Variants in STARD13 observed in about 807,000 individuals in gnomAD.
STARD13 encodes stAR-related lipid transfer protein 13.
STARD13 carries 62 observed loss-of-function variants against 106.4 expected under a neutral mutation model. The observed-to-expected ratio is 0.58, with a 90% CI of 0.48 to 0.72. The LOEUF (loss-of-function observed/expected upper bound fraction) is 0.72, where lower values mean the gene tolerates loss of function less well. Ranked by LOEUF, STARD13 falls within the 30% of genes least tolerant of loss-of-function variation. STARD13 has a pLI of 0.00. For synonymous variants in STARD13, 565 were observed against 553.0 expected (o/e 1.02, Z -0.31); for missense variants, 1,387 against 1,424.0 (o/e 0.97, Z 0.42).
chr13:33,139,333 G>A (rs949875426), intron 4 of STARD13, among the ~76,000 whole-genome samples: 15 of 152,228 alleles, frequency 9.9e-5, no homozygotes, highest in African/African-American at 3.1e-4. Flanking sequence ...CAAGTGCCAA[G>A]CCCTTCAATT....
At chr13:33,343,253 A>T (rs998549293) in intron 1 of STARD13, among the ~76,000 whole-genome samples, 21 of 151,710 alleles carry the variant, frequency 1.4e-4, no homozygotes, top group African/African-American at 4.8e-4. Flanking sequence ...GTATAATAAT[A>T]GTAAAATTAA....
intron 1 of STARD13, among the ~76,000 whole-genome samples, chr13:33,270,069 G>A (rs185152355): frequency 8.3e-4 from 126 of 151,964 alleles, no homozygotes; most frequent in African/African-American, 2.7e-3. Context: ...AAACCCGTCT[G>A]TACTAAAAAT....
chr13:33,652,005 A>G, the STARD13 span, among the ~76,000 whole-genome samples: 11 of 152,244 alleles, frequency 7.2e-5, no homozygotes, highest in East Asian at 1.9e-4. Context: ...GCAGAAGAAC[A>G]GTGTCATGTT....
At chr13:33,113,300 C>T (rs1874887331) in intron 8 of STARD13, 2 of 373,138 alleles carry the variant, frequency 5.4e-6, no homozygotes, top group African/African-American at 2.1e-5. Context: ...CCTGGCATCC[C>T]TCTTGCCCAT....
the STARD13 span, among the ~76,000 whole-genome samples, chr13:33,583,243 A>C: frequency 6.6e-6 from 1 of 152,210 alleles, no homozygotes; most frequent in South Asian, 2.1e-4. Context: ...TCACAGGTTT[A>C]TCATAATCCA....
At chr13:33,667,493 G>A in the STARD13 span, among the ~76,000 whole-genome samples, 1 of 152,126 alleles carries the variant, frequency 6.6e-6, no homozygotes, top group Non-Finnish European at 1.5e-5. Context: ...TGCACATGTA[G>A]GCAATTAAGC....
the STARD13 span, among the ~76,000 whole-genome samples, chr13:33,581,662 G>A: frequency 6.6e-6 from 1 of 152,096 alleles, no homozygotes; most frequent in African/African-American, 2.4e-5. Flanking sequence ...AACTCGGGAG[G>A]AATTATTATT....
intron 8 of STARD13, 70 bp from the exon 9 acceptor site, chr13:33,113,001 A>G: frequency 8.3e-7 from 1 of 1,206,802 alleles, no homozygotes; most frequent in Admixed American, 2.2e-5. Flanking sequence ...AGCACTGTGT[A>G]AGCTCCACAT....
chr13:33,624,634 G>A, the STARD13 span, among the ~76,000 whole-genome samples: 1 of 152,200 alleles, frequency 6.6e-6, no homozygotes, highest in African/African-American at 2.4e-5. Context: ...CTCAGATGCA[G>A]CTTTTATTTC....
intron 1 of STARD13, among the ~76,000 whole-genome samples, chr13:33,223,057 C>A (rs1888439785): frequency 6.6e-6 from 1 of 152,230 alleles, no homozygotes; most frequent in South Asian, 2.1e-4. Flanking sequence ...AATTTCATTT[C>A]TGAAAACAGA....
chr13:33,576,386 C>A, the STARD13 span, among the ~76,000 whole-genome samples: 1 of 151,006 alleles, frequency 6.6e-6, no homozygotes, highest in Non-Finnish European at 1.5e-5. Flanking sequence ...CCATGCCCAG[C>A]TAGTTGTAAT....
intron 1 of STARD13, chr13:33,279,549 T>C (rs767587243): frequency 6.6e-5 from 10 of 152,180 alleles, no homozygotes; most frequent in African/African-American, 9.7e-5. Context: ...TCCTGGACGA[T>C]TGGCACAGAA....
intron 1 of STARD13, among the ~76,000 whole-genome samples, chr13:33,268,604 C>T (rs1045539472): frequency 2.6e-5 from 4 of 152,278 alleles, no homozygotes; most frequent in African/African-American, 9.6e-5. Context: ...CTGGAACTTA[C>T]CCAAGGTCAC....
the STARD13 span, among the ~76,000 whole-genome samples, chr13:33,444,090 G>A: frequency 6.6e-6 from 1 of 152,092 alleles, no homozygotes; most frequent in East Asian, 1.9e-4. Context: ...ATTCACTGAT[G>A]TCAGTATAGT....
At chr13:33,585,316 G>T in the STARD13 span, among the ~76,000 whole-genome samples, 3 of 152,106 alleles carry the variant, frequency 2.0e-5, no homozygotes, top group Non-Finnish European at 1.5e-5. Flanking sequence ...ACACAAACAG[G>T]TATCTGTACA....
At chr13:33,499,604 T>TTCTTCTTCTTCTTTCTTC in the STARD13 span, among the ~76,000 whole-genome samples, 1 of 39,896 alleles carries the variant, frequency 2.5e-5, no homozygotes, top group Non-Finnish European at 4.9e-5. Flanking sequence ...CTTCTTCTTC[T>TTCTTCTTCTTCTTTCTTC]TTCTTCTTCT....
chr13:33,592,717 A>G, the STARD13 span, among the ~76,000 whole-genome samples: 24 of 152,348 alleles, frequency 1.6e-4, no homozygotes, highest in Admixed American at 9.8e-4. Context: ...ATTCCTTCCC[A>G]GTCCAATTTT....
chr13:33,143,102 G>A (rs1470878757), intron 3 of STARD13, among the ~76,000 whole-genome samples: 1 of 152,164 alleles, frequency 6.6e-6, no homozygotes, highest in Non-Finnish European at 1.5e-5. Flanking sequence ...AACCCTGCCA[G>A]CACCTTGATC....
the STARD13 span, among the ~76,000 whole-genome samples, chr13:33,640,691 A>G: frequency 1.3e-5 from 2 of 152,206 alleles, no homozygotes; most frequent in African/African-American, 2.4e-5. Context: ...CAGAAATACA[A>G]TTTGAGGAAA....
Sources: allele counts gnomAD v4.1 joint callset (sites outside exome capture counted in the v4.1 genomes callset), GRCh38; gene constraint gnomAD v4.1.1; transcripts MANE v1.5; gene names NCBI Gene and HGNC (gene_info 2026-07-23, HGNC 2026-07-21).